SH3RF1: variants seen among roughly 807,000 people sequenced by gnomAD.
The protein encoded by SH3RF1 is E3 ubiquitin-protein ligase SH3RF1.
Under a neutral mutation model 74.0 loss-of-function variants are expected in SH3RF1, and 32 were observed. That is an observed-to-expected ratio of 0.43 (90% CI 0.33 to 0.58). The LOEUF (loss-of-function observed/expected upper bound fraction) is 0.58. Ranked by LOEUF, SH3RF1 falls within the 20% of genes least tolerant of loss-of-function variation. The probability of loss-of-function intolerance (pLI) is 0.05; values close to 1 mark genes in which losing one functional copy is unlikely to be tolerated. For synonymous variants in SH3RF1, 396 were observed against 439.6 expected (o/e 0.90, Z 1.24); for missense variants, 954 against 1,130.9 (o/e 0.84, Z 2.24).
intron 6 of SH3RF1, among the ~76,000 whole-genome samples, chr4:169,124,450 A>T (rs972821089): frequency 3.3e-5 from 5 of 152,222 alleles, no homozygotes; most frequent in Non-Finnish European, 5.9e-5. Context: ...ACTTTTGCAA[A>T]CAGTGAGAGT....
rs796839488 is a variant in SH3RF1, at chr4:169,185,294, G to C, written c.394-28615C>G. Among the ~76,000 whole-genome samples the C allele has an allele frequency of 5.6e-4, 86 of 152,240 alleles. 1 individual carries two copies. Among genetic ancestry groups the C allele is most frequent in the African/African-American group, 2.0e-3 (84 of 41,548 alleles). ...GGAGAACAGCCAAGAGAGAAACAGC[G>C]GTGGGAGGCAGTGATAGCCTGCCGC... On this transcript the variant is annotated intron_variant, in intron 2 of 11. Coordinates refer to ENST00000284637, the MANE Select transcript of SH3RF1 (RefSeq NM_020870.4).
At chr4:169,221,013 C>T (rs779532957) in intron 2 of SH3RF1, among the ~76,000 whole-genome samples, 1 of 152,166 alleles carries the variant, frequency 6.6e-6, no homozygotes, top group African/African-American at 2.4e-5. Context: ...ACTCTCGTGT[C>T]GAAAGAGTTG....
intron 2 of SH3RF1, among the ~76,000 whole-genome samples, chr4:169,246,381 A>G (rs1730994821): frequency 6.6e-6 from 1 of 152,220 alleles, no homozygotes; most frequent in Non-Finnish European, 1.5e-5. Flanking sequence ...CTATATAGAT[A>G]TTATCACTGA....
At chr4:169,150,963 C>T (rs1733967454) in intron 4 of SH3RF1, among the ~76,000 whole-genome samples, 1 of 152,026 alleles carries the variant, frequency 6.6e-6, no homozygotes, top group African/African-American at 2.4e-5. Flanking sequence ...ACCAGCTGGT[C>T]TGAAGAATGT....
At chr4:169,147,671 A>C (rs1337236384) in intron 4 of SH3RF1, among the ~76,000 whole-genome samples, 1 of 152,220 alleles carries the variant, frequency 6.6e-6, no homozygotes, top group Non-Finnish European at 1.5e-5. Context: ...TTAAAAAGCA[A>C]TGTTGTTTTA....
At chr4:169,239,914 C>G (rs1034606734) in intron 2 of SH3RF1, among the ~76,000 whole-genome samples, 1 of 151,986 alleles carries the variant, frequency 6.6e-6, no homozygotes, top group Non-Finnish European at 1.5e-5. Flanking sequence ...CTCCCAGCTA[C>G]TTGGGAGGCT....
chr4:169,129,971 T>C, intron 6 of SH3RF1, 75 bp downstream of exon 6: 1 of 1,119,022 alleles, frequency 8.9e-7, no homozygotes. Context: ...CTGCAGGTGT[T>C]AGGAGGTGGA....
intron 2 of SH3RF1, among the ~76,000 whole-genome samples, chr4:169,198,013 A>G (rs1436734497): frequency 6.6e-6 from 1 of 152,236 alleles, no homozygotes; most frequent in East Asian, 1.9e-4. Context: ...GTTCTCCTTT[A>G]AATGTAGAAA....
chr4:169,116,247 CAGTA>C lies in SH3RF1; in HGVS notation c.2139+18_2139+21del, dbSNP rs1272619194. The C allele has an allele frequency of 5.7e-6, 9 of 1,567,006 alleles. No individual in the cohort carries two copies. Among genetic ancestry groups the C allele is most frequent in the Middle Eastern group, 1.7e-4 (1 of 5,888 alleles). ...CAGGGAAGTAAGTAAAGCAGAGAAACAGTAAGTAAGTATGGTCTTACTTTGCTAT... is the reference window on the plus strand; with the variant it reads ...CAGGGAAGTAAGTAAAGCAGAGAAACAGTAAGTATGGTCTTACTTTGCTAT... On this transcript the variant is annotated intron_variant, in intron 10 of 11. Transcript: ENST00000284637.
intron 4 of SH3RF1, among the ~76,000 whole-genome samples, chr4:169,146,690 C>T (rs966877281): frequency 6.6e-6 from 1 of 151,968 alleles, no homozygotes; most frequent in Non-Finnish European, 1.5e-5. Flanking sequence ...AAAGCAGAGG[C>T]AGAGAGCAGG....
chr4:169,220,795 A>T (rs955314914), intron 2 of SH3RF1, among the ~76,000 whole-genome samples: 1 of 152,282 alleles, frequency 6.6e-6, no homozygotes, highest in Non-Finnish European at 1.5e-5. Context: ...GTGAAATTAC[A>T]TGGAAATGCA....
chr4:169,230,785 G>A (rs1459070503), intron 2 of SH3RF1, among the ~76,000 whole-genome samples: 2 of 150,866 alleles, frequency 1.3e-5, no homozygotes, highest in Non-Finnish European at 2.9e-5. Context: ...GAACCCAGGA[G>A]GCAGAGGTTG....
intron 2 of SH3RF1, among the ~76,000 whole-genome samples, chr4:169,168,030 C>G (rs758223822): frequency 2.6e-5 from 4 of 152,084 alleles, no homozygotes; most frequent in Non-Finnish European, 5.9e-5. Context: ...GTCCCAGCTA[C>G]TCAGGAGGCT....
chr4:169,189,160 A>T (rs752412107), intron 2 of SH3RF1, among the ~76,000 whole-genome samples: 94 of 152,252 alleles, frequency 6.2e-4, no homozygotes, highest in Admixed American at 1.4e-3. Context: ...TGGTTCTCAC[A>T]ATTCTATTTC....
chr4:169,233,426 T>C (rs1730776466), intron 2 of SH3RF1, among the ~76,000 whole-genome samples: 3 of 152,176 alleles, frequency 2.0e-5, no homozygotes, highest in Non-Finnish European at 4.4e-5. Flanking sequence ...ACTAAAACTA[T>C]ATTGAGTATG....
intron 2 of SH3RF1, among the ~76,000 whole-genome samples, chr4:169,239,027 CA>C (rs1730862419): frequency 1.3e-5 from 2 of 150,574 alleles, no homozygotes; most frequent in Non-Finnish European, 3.0e-5. Flanking sequence ...TATTCACTCT[CA>C]AAAATGATGG....
chr4:169,127,436 T>C (rs1413838821), intron 6 of SH3RF1, among the ~76,000 whole-genome samples: 1 of 152,236 alleles, frequency 6.6e-6, no homozygotes, highest in Non-Finnish European at 1.5e-5. Flanking sequence ...TTAAATAGAA[T>C]GCTTGACACA....
chr4:169,122,640 C>T (rs12374257), intron 6 of SH3RF1, among the ~76,000 whole-genome samples: 7 of 152,112 alleles, frequency 4.6e-5, no homozygotes, highest in Non-Finnish European at 8.8e-5. Flanking sequence ...ATGCTGCTTG[C>T]TAGGAATTAA....
chr4:169,210,380 T>C (rs1730337127), intron 2 of SH3RF1, among the ~76,000 whole-genome samples: 2 of 152,362 alleles, frequency 1.3e-5, no homozygotes, highest in African/African-American at 4.8e-5. Context: ...ATACTCCAGA[T>C]ATGCTTTAAC....
Sources: gnomAD v4.1 joint callset for allele counts (sites outside exome capture counted in the v4.1 genomes callset) on GRCh38, gnomAD v4.1.1 for gene constraint, MANE v1.5 for transcripts, NCBI Gene and HGNC (gene_info 2026-07-23, HGNC 2026-07-21) for gene names.